Variants in CPNE4 observed in about 807,000 individuals in gnomAD.
CPNE4 encodes the protein copine 4, also known as copine-4.
Under a neutral mutation model 67.9 loss-of-function variants are expected in CPNE4, and 25 were observed. The ratio of observed to expected loss-of-function variants is 0.37; its 90% CI spans 0.27 to 0.51. The LOEUF is 0.51. Ranked by LOEUF, CPNE4 falls within the 20% of genes least tolerant of loss-of-function variation. The pLI is 0.93. For synonymous variants in CPNE4, 242 were observed against 244.9 expected (o/e 0.99, Z 0.11); for missense variants, 464 against 690.8 (o/e 0.67, Z 3.68).
At chr3:131,583,895 C>A (rs956701687) in intron 8 of CPNE4, among the ~76,000 whole-genome samples, 8 of 152,140 alleles carry the variant, frequency 5.3e-5, no homozygotes, top group South Asian at 2.1e-4. Flanking sequence ...CAGGTAGTAA[C>A]TGGTAGACCT....
At chr3:131,547,346 T>G (rs1935912487) in intron 14 of CPNE4, among the ~76,000 whole-genome samples, 1 of 151,446 alleles carries the variant, frequency 6.6e-6, no homozygotes. Context: ...TCCCAGCTAT[T>G]TGGGAGGCTG....
chr3:132,031,560 C>G (rs2074235634), intron 1 of CPNE4, among the ~76,000 whole-genome samples: 1 of 152,098 alleles, frequency 6.6e-6, no homozygotes, highest in African/African-American at 2.4e-5. Flanking sequence ...GGATTCAGAC[C>G]ACTCTGAAAA....
At chr3:131,788,898 T>G (rs1158086471) in intron 2 of CPNE4, among the ~76,000 whole-genome samples, 1 of 152,006 alleles carries the variant, frequency 6.6e-6, no homozygotes, top group Non-Finnish European at 1.5e-5. Context: ...GCAATGATTA[T>G]GTCGGGATGG....
chr3:131,645,273 T>C (rs989765), intron 7 of CPNE4, among the ~76,000 whole-genome samples: 24,175 of 152,178 alleles, frequency 0.16, 2,416 homozygotes, highest in African/African-American at 0.28. Flanking sequence ...ATAATATCTC[T>C]GCATCTTTTA....
At chr3:131,798,865 A>G (rs1244742220) in intron 2 of CPNE4, among the ~76,000 whole-genome samples, 1 of 152,176 alleles carries the variant, frequency 6.6e-6, no homozygotes, top group Non-Finnish European at 1.5e-5. Context: ...TTTCACCAAG[A>G]AAAGTGATTA....
chr3:131,939,049 T>C (rs2071308301), intron 1 of CPNE4, among the ~76,000 whole-genome samples: 1 of 152,176 alleles, frequency 6.6e-6, no homozygotes, highest in African/African-American at 2.4e-5. Flanking sequence ...CAAATTAGTA[T>C]AAGGCTTATT....
intron 10 of CPNE4, among the ~76,000 whole-genome samples, chr3:131,570,658 C>T (rs1227514493): frequency 6.6e-6 from 1 of 152,040 alleles, no homozygotes. Flanking sequence ...ACTAGTTGCT[C>T]TAGAGTTCTT....
intron 1 of CPNE4, among the ~76,000 whole-genome samples, chr3:132,034,243 C>A (rs970279125): frequency 6.6e-6 from 1 of 152,074 alleles, no homozygotes; most frequent in South Asian, 2.1e-4. Flanking sequence ...CCTTCTTCCG[C>A]CTTCGGGACT....
intron 7 of CPNE4, among the ~76,000 whole-genome samples, chr3:131,625,950 T>C (rs532407606): frequency 6.6e-6 from 1 of 152,326 alleles, no homozygotes; most frequent in African/African-American, 2.4e-5. Flanking sequence ...TTTCTCTTTA[T>C]TATTGTACCT....
rs1334102313 is a variant in CPNE4, at chr3:131,626,644, C to T, written c.682-39062G>A. On this transcript the variant is annotated intron_variant, in intron 7 of 15. Transcript: ENST00000429747. ...AAAGTATAAAGTGAAGCAGCAAGTG[C>T]TGATGGAGAAGCTAAAGCATGTAAC... Among the ~76,000 whole-genome samples the T allele has an allele frequency of 2.0e-5, 3 of 152,196 alleles. No homozygotes were observed. The East Asian group carries it at 5.8e-4, about 29-fold the overall frequency.
chr3:131,771,759 T>C (rs965958486), intron 2 of CPNE4, among the ~76,000 whole-genome samples: 5 of 152,066 alleles, frequency 3.3e-5, no homozygotes, highest in African/African-American at 9.7e-5. Context: ...ACAAGGAAAT[T>C]TGGATGCAGA....
chr3:131,683,062 C>A (rs1560108248), intron 6 of CPNE4, among the ~76,000 whole-genome samples: 1 of 152,136 alleles, frequency 6.6e-6, no homozygotes, highest in African/African-American at 2.4e-5. Context: ...CAAAGCCAGT[C>A]CAGAAATGCT....
intron 2 of CPNE4, among the ~76,000 whole-genome samples, chr3:131,797,489 C>G (rs765926504): frequency 5.3e-5 from 8 of 152,172 alleles, no homozygotes; most frequent in African/African-American, 1.9e-4. Context: ...ACTGCACTTA[C>G]ATTGTATTGC....
chr3:131,653,293 T>A (rs905504327), intron 7 of CPNE4, among the ~76,000 whole-genome samples: 2 of 151,844 alleles, frequency 1.3e-5, no homozygotes. Context: ...TAGAGGTTCT[T>A]GCCACCACGC....
At chr3:131,859,349 G>A (rs550349390) in intron 2 of CPNE4, among the ~76,000 whole-genome samples, 49 of 152,188 alleles carry the variant, frequency 3.2e-4, no homozygotes, top group African/African-American at 7.7e-4. Context: ...ATGGCAACTC[G>A]CTGTTCCTCA....
At chr3:131,698,314 T>A (rs1270289569) in intron 4 of CPNE4, among the ~76,000 whole-genome samples, 1 of 149,152 alleles carries the variant, frequency 6.7e-6, no homozygotes, top group Non-Finnish European at 1.5e-5. Flanking sequence ...TCTCAGGATA[T>A]CTCAGAGAAA....
At chr3:131,848,119 G>A (rs1206298124) in intron 2 of CPNE4, among the ~76,000 whole-genome samples, 1 of 152,148 alleles carries the variant, frequency 6.6e-6, no homozygotes, top group East Asian at 1.9e-4. Context: ...ATAAGTTTGA[G>A]TCTTACGTAA....
In CPNE4 at chr3:131,843,538, C is replaced by T. The variant is rs538597856; in HGVS notation, c.180+61726G>A. On this transcript the variant is annotated intron_variant, in intron 2 of 15. Coordinates refer to ENST00000429747, the MANE Select transcript of CPNE4 (RefSeq NM_130808.3). ...GATACATTTTTAAAAGATGAAGTAACGTGTGTTGACAGTGTCCACGGTGAA... is the reference window on the plus strand; with the variant it reads ...GATACATTTTTAAAAGATGAAGTAATGTGTGTTGACAGTGTCCACGGTGAA... Among the ~76,000 whole-genome samples, 5 of 152,324 alleles carry T rather than the reference C, an allele frequency of 3.3e-5. No individual in the cohort carries two copies. In the South Asian group the frequency reaches 8.3e-4, roughly 25 times the overall value.
chr3:132,026,855 T>C (rs760669124), intron 1 of CPNE4, among the ~76,000 whole-genome samples: 8 of 133,870 alleles, frequency 6.0e-5, no homozygotes, highest in Non-Finnish European at 1.3e-4. Flanking sequence ...TGGTTTAATC[T>C]CCATTTTTAC....
Sources: allele counts gnomAD v4.1 joint callset (sites outside exome capture counted in the v4.1 genomes callset), GRCh38; gene constraint gnomAD v4.1.1; transcripts MANE v1.5; gene names NCBI Gene and HGNC (gene_info 2026-07-23, HGNC 2026-07-21).